WDR59: variants seen among roughly 807,000 people sequenced by gnomAD.
WDR59 encodes the protein GATOR2 complex protein WDR59.
WDR59 carries 100 observed loss-of-function variants against 131.2 expected under a neutral mutation model. That is an observed-to-expected ratio of 0.76 (90% CI 0.65 to 0.90). The LOEUF is 0.90. WDR59 is among the 40% of genes least tolerant of loss of function. The pLI is 0.00. For missense variants in WDR59, 1,203 were observed against 1,262.2 expected (o/e 0.95, Z 0.71); for synonymous variants, 601 against 466.2 (o/e 1.29, Z -3.72).
Position 74,934,103 on chromosome 16 carries a change from T to C in WDR59, c.651+4047A>G, listed in dbSNP as rs114328782. Among the ~76,000 whole-genome samples the C allele has an allele frequency of 3.8e-3, 586 of 152,280 alleles. 2 individuals carry two copies. The highest frequency in any genetic ancestry group is 0.013 in the African/African-American group (557 of 41,566). ...CATTCTGCAGATTTTTAATGAGCTC[T>C]ACACTGTGCATGCCTCCCTATTATC... On this transcript the variant is annotated intron_variant, in intron 8 of 25. Coordinates refer to ENST00000262144, the MANE Select transcript of WDR59 (RefSeq NM_030581.4).
chr16:74,946,225 T>C (rs1052795515), intron 6 of WDR59, among the ~76,000 whole-genome samples: 1 of 152,218 alleles, frequency 6.6e-6, no homozygotes, highest in Admixed American at 6.5e-5. Flanking sequence ...AACCTTATCC[T>C]AGTTATGTAT....
chr16:74,906,130 C>T lies in WDR59; in HGVS notation c.1713-2030G>A, dbSNP rs188052589. On this transcript the variant is annotated intron_variant, in intron 17 of 25. Transcript: ENST00000262144. ...CAGATCGAGACCATCCTGGCTAACACGGTGAAACATGGTCTCTACTAAAAA... is the reference window on the plus strand; with the variant it reads ...CAGATCGAGACCATCCTGGCTAACATGGTGAAACATGGTCTCTACTAAAAA... 6.6e-5 allele frequency among the ~76,000 whole-genome samples: 10 copies of T among 151,340 alleles called. No homozygotes were observed. The East Asian group carries it at 1.4e-3, about 21-fold the overall frequency.
At chr16:74,953,243 A>AG (rs1201847832) in intron 3 of WDR59, among the ~76,000 whole-genome samples, 2 of 152,118 alleles carry the variant, frequency 1.3e-5, no homozygotes, top group Non-Finnish European at 2.9e-5. Flanking sequence ...AAGCTGAGGC[A>AG]GGGGGATCGC....
At chr16:74,976,422 C>T (rs1037535953) in intron 1 of WDR59, among the ~76,000 whole-genome samples, 2 of 150,534 alleles carry the variant, frequency 1.3e-5, no homozygotes, top group Non-Finnish European at 3.0e-5. Context: ...AGGATACGAA[C>T]GTTTTTCTTT....
intron 1 of WDR59, among the ~76,000 whole-genome samples, chr16:74,968,967 C>T (rs989910258): frequency 1.4e-4 from 21 of 152,132 alleles, no homozygotes; most frequent in Non-Finnish European, 2.6e-4. Context: ...GTGAAAACGA[C>T]CTAACCAGAG....
intron 1 of WDR59, among the ~76,000 whole-genome samples, chr16:74,978,277 G>C (rs745381795): frequency 6.7e-6 from 1 of 148,614 alleles, no homozygotes; most frequent in Admixed American, 6.8e-5. Flanking sequence ...AGCCGAGATC[G>C]TGCGACTGCA....
chr16:74,911,430 T>G (rs1966082275), intron 14 of WDR59, among the ~76,000 whole-genome samples: 1 of 152,196 alleles, frequency 6.6e-6, no homozygotes. Flanking sequence ...ATGAGCAACA[T>G]TCAGCTTGGC....
chr16:74,884,844 C>T (rs1002184481), intron 25 of WDR59, among the ~76,000 whole-genome samples: 4 of 152,178 alleles, frequency 2.6e-5, no homozygotes, highest in African/African-American at 7.2e-5. Flanking sequence ...CACTCTGCAC[C>T]GATGGCTCCA....
chr16:74,911,994 G>C, intron 14 of WDR59: 1 of 621,686 alleles, frequency 1.6e-6, no homozygotes, highest in Non-Finnish European at 2.7e-6. Context: ...GGAAGTCTAT[G>C]ACCCAAAAAA....
intron 21 of WDR59, among the ~76,000 whole-genome samples, chr16:74,888,892 G>T (rs574852699): frequency 1.3e-5 from 2 of 152,224 alleles, no homozygotes; most frequent in Non-Finnish European, 2.9e-5. Flanking sequence ...CTTTCAGGAA[G>T]ATTATGCTAG....
intron 11 of WDR59, among the ~76,000 whole-genome samples, chr16:74,916,540 G>A (rs1470792794): frequency 6.6e-6 from 1 of 152,162 alleles, no homozygotes; most frequent in African/African-American, 2.4e-5. Context: ...CTTTGATGGA[G>A]TTATTCAGCT....
intron 7 of WDR59, 149 bp downstream of exon 7, chr16:74,942,589 C>T (rs766777539): frequency 1.2e-5 from 8 of 654,686 alleles, no homozygotes; most frequent in Non-Finnish European, 2.1e-5. Context: ...ACGCAAATAT[C>T]GTCTGGTACT....
At chr16:74,892,442 T>C (rs1332865183) in intron 20 of WDR59, 42 bp downstream of exon 20, 1 of 1,528,452 alleles carries the variant, frequency 6.5e-7, no homozygotes, top group Non-Finnish European at 9.0e-7. Context: ...AATTTGCTCC[T>C]GAAGAAAAAT....
intron 4 of WDR59, among the ~76,000 whole-genome samples, chr16:74,950,416 T>C (rs1381009697): frequency 6.6e-6 from 1 of 152,218 alleles, no homozygotes; most frequent in Admixed American, 6.5e-5. Flanking sequence ...TCTTTATCAT[T>C]TTCTAAATCA....
At chr16:74,979,643 C>T (rs558075567) in intron 1 of WDR59, among the ~76,000 whole-genome samples, 5 of 151,176 alleles carry the variant, frequency 3.3e-5, no homozygotes, top group African/African-American at 9.7e-5. Context: ...TGGGTTCAAG[C>T]GATTCTTCTG....
chr16:74,954,984 C>G (rs1447272122), intron 3 of WDR59, among the ~76,000 whole-genome samples: 1 of 152,128 alleles, frequency 6.6e-6, no homozygotes, highest in East Asian at 1.9e-4. Flanking sequence ...GGAGAAACTG[C>G]TTAATGAATA....
At chr16:74,974,296 C>T (rs2034100340) in intron 1 of WDR59, among the ~76,000 whole-genome samples, 1 of 152,170 alleles carries the variant, frequency 6.6e-6, no homozygotes, top group Non-Finnish European at 1.5e-5. Flanking sequence ...CTGGGGCTCA[C>T]ACTCCTCACC....
At chr16:74,941,694 GA>G (rs11379528) in intron 7 of WDR59, among the ~76,000 whole-genome samples, 2,432 of 137,476 alleles carry the variant, frequency 0.018, 77 homozygotes, top group African/African-American at 0.059. Context: ...TCTGTCTCAA[GA>G]AAAAAAAAAA....
At chr16:74,884,195 A>G (rs1732397603) in intron 25 of WDR59, among the ~76,000 whole-genome samples, 1 of 152,230 alleles carries the variant, frequency 6.6e-6, no homozygotes, top group Non-Finnish European at 1.5e-5. Flanking sequence ...TCTGACCGCT[A>G]CAACGTCTCT....
Sources: gnomAD v4.1 joint callset for allele counts (sites outside exome capture counted in the v4.1 genomes callset) on GRCh38, gnomAD v4.1.1 for gene constraint, MANE v1.5 for transcripts, NCBI Gene and HGNC (gene_info 2026-07-23, HGNC 2026-07-21) for gene names.